MAST4: variants seen among roughly 807,000 people sequenced by gnomAD.
MAST4 encodes microtubule-associated serine/threonine-protein kinase 4.
MAST4 carries 89 observed loss-of-function variants against 162.7 expected under a neutral mutation model. The observed-to-expected ratio is 0.55, with a 90% CI of 0.46 to 0.65. The LOEUF (loss-of-function observed/expected upper bound fraction) is 0.65. Ranked by LOEUF, MAST4 falls within the 30% of genes least tolerant of loss-of-function variation. The pLI, the probability that MAST4 is intolerant of heterozygous loss-of-function variation, is 0.00. For synonymous variants in MAST4, 1,479 were observed against 1,361.1 expected (o/e 1.09, Z -1.91); for missense variants, 3,153 against 3,374.0 (o/e 0.93, Z 1.62).
chr5:66,706,792 A>C (rs901555714), intron 1 of MAST4, among the ~76,000 whole-genome samples: 1 of 152,168 alleles, frequency 6.6e-6, no homozygotes, highest in African/African-American at 2.4e-5. Flanking sequence ...GTTGATACAT[A>C]ACTGTTGCAG....
chr5:66,647,221 G>T (rs1745900920), intron 1 of MAST4, among the ~76,000 whole-genome samples: 1 of 151,962 alleles, frequency 6.6e-6, no homozygotes, highest in African/African-American at 2.4e-5. Flanking sequence ...TCACTGATTG[G>T]GACATTATTT....
chr5:66,786,134 G>A (rs1280235417), intron 2 of MAST4, among the ~76,000 whole-genome samples: 1 of 152,134 alleles, frequency 6.6e-6, no homozygotes. Context: ...CTCCCAAAGT[G>A]TTGGTATTAC....
At chr5:66,918,427 C>CT (rs1231629779) in intron 4 of MAST4, among the ~76,000 whole-genome samples, 1 of 152,120 alleles carries the variant, frequency 6.6e-6, no homozygotes, top group Non-Finnish European at 1.5e-5. Context: ...AATTGTCACA[C>CT]TTGAAACTGG....
At chr5:66,854,927 T>G (rs1759566708) in intron 3 of MAST4, among the ~76,000 whole-genome samples, 1 of 152,164 alleles carries the variant, frequency 6.6e-6, no homozygotes, top group Non-Finnish European at 1.5e-5. Context: ...TTACCCATTG[T>G]CACATTTTAT....
intron 1 of MAST4, among the ~76,000 whole-genome samples, chr5:66,645,737 A>G (rs1437572242): frequency 1.3e-5 from 2 of 152,210 alleles, no homozygotes; most frequent in Non-Finnish European, 1.5e-5. Flanking sequence ...AAGGTAAATT[A>G]GGTTTAAAGT....
At chr5:67,138,700 C>T (rs1769990083) in intron 19 of MAST4, among the ~76,000 whole-genome samples, 1 of 152,168 alleles carries the variant, frequency 6.6e-6, no homozygotes, top group South Asian at 2.1e-4. Context: ...TCCCAAAGTG[C>T]TGGGATTACA....
intron 1 of MAST4, among the ~76,000 whole-genome samples, chr5:66,612,543 G>T (rs1743359264): frequency 6.6e-6 from 1 of 152,168 alleles, no homozygotes; most frequent in South Asian, 2.1e-4. Flanking sequence ...AGGGAAGGAA[G>T]ATGCAAAAGA....
intron 23 of MAST4, among the ~76,000 whole-genome samples, chr5:67,145,973 G>A (rs1440648337): frequency 2.6e-5 from 4 of 152,192 alleles, no homozygotes; most frequent in African/African-American, 9.7e-5. Flanking sequence ...GCTTAATGCT[G>A]TTCTGGTCCA....
chr5:67,107,632 C>G (rs149440982), intron 10 of MAST4, among the ~76,000 whole-genome samples: 101 of 152,348 alleles, frequency 6.6e-4, no homozygotes, highest in African/African-American at 2.3e-3. Context: ...GTTGTCAGTT[C>G]CCAACTGTGA....
At chr5:66,708,575 G>T (rs184061390) in intron 1 of MAST4, among the ~76,000 whole-genome samples, 445 of 152,206 alleles carry the variant, frequency 2.9e-3, no homozygotes, top group African/African-American at 9.5e-3. Context: ...CTCCTTGTCT[G>T]AATTGAGTTT....
At chr5:66,780,881 G>A (rs1027097930) in intron 2 of MAST4, among the ~76,000 whole-genome samples, 8 of 152,178 alleles carry the variant, frequency 5.3e-5, no homozygotes, top group East Asian at 1.9e-4. Flanking sequence ...TGATTGGTGC[G>A]TTTACAATCC....
At chr5:67,001,929 CT>C (rs1751345334) in intron 4 of MAST4, 1 of 152,164 alleles carries the variant, frequency 6.6e-6, no homozygotes, top group Non-Finnish European at 1.5e-5. Context: ...TAAATTTTTT[CT>C]TCTCTACTTT....
chr5:67,029,232 G>C (rs2150422761), intron 4 of MAST4, among the ~76,000 whole-genome samples: 1 of 152,272 alleles, frequency 6.6e-6, no homozygotes, highest in South Asian at 2.1e-4. Flanking sequence ...TTTATGGTCT[G>C]CTTAGACCCA....
chr5:66,933,588 C>G (rs1252935443), intron 4 of MAST4, among the ~76,000 whole-genome samples: 3 of 152,122 alleles, frequency 2.0e-5, no homozygotes, highest in Non-Finnish European at 4.4e-5. Flanking sequence ...GCATGTTGCT[C>G]TCTCATGGAC....
At chr5:66,779,310 T>C (rs1201661018) in intron 2 of MAST4, among the ~76,000 whole-genome samples, 4 of 152,156 alleles carry the variant, frequency 2.6e-5, no homozygotes, top group Non-Finnish European at 5.9e-5. Flanking sequence ...TTGGAGATCA[T>C]TGGTCAGTAG....
chr5:66,711,490 A>G (rs1433153470), intron 1 of MAST4, among the ~76,000 whole-genome samples: 1 of 152,008 alleles, frequency 6.6e-6, no homozygotes, highest in African/African-American at 2.4e-5. Context: ...TTGCCTTTTC[A>G]TATCACCTTC....
At chr5:66,709,030 C>T (rs1310408641) in intron 1 of MAST4, among the ~76,000 whole-genome samples, 1 of 152,082 alleles carries the variant, frequency 6.6e-6, no homozygotes, top group African/African-American at 2.4e-5. Flanking sequence ...TGTTCTCTTT[C>T]CTCCATGACT....
chr5:66,924,357 T>C lies in MAST4; in HGVS notation c.674+24375T>C, dbSNP rs185410669. On this transcript the variant is annotated intron_variant, in intron 4 of 28. Transcript: ENST00000403625. ...CTTTTGAGTAAAAAAATAGAATTTA[T>C]AATATTTTAATATGACTACTTGGTC... Among the ~76,000 whole-genome samples, 3 of 152,248 alleles carry C rather than the reference T, an allele frequency of 2.0e-5. No homozygotes were observed. The East Asian group carries it at 5.8e-4, about 29-fold the overall frequency.
chr5:66,706,251 A>G (rs1411620098), intron 1 of MAST4, among the ~76,000 whole-genome samples: 1 of 152,188 alleles, frequency 6.6e-6, no homozygotes, highest in Admixed American at 6.5e-5. Flanking sequence ...AGGGAAATGC[A>G]GAGACCTTAG....
Sources: gnomAD v4.1 joint callset for allele counts (sites outside exome capture counted in the v4.1 genomes callset) on GRCh38, gnomAD v4.1.1 for gene constraint, MANE v1.5 for transcripts, NCBI Gene and HGNC (gene_info 2026-07-23, HGNC 2026-07-21) for gene names.